ADAMTS17: variants seen among roughly 807,000 people sequenced by gnomAD.
ADAMTS17 encodes the protein ADAM metallopeptidase with thrombospondin type 1 motif 17, also known as A disintegrin and metalloproteinase with thrombospondin motifs 17.
Under a neutral mutation model 141.5 loss-of-function variants are expected in ADAMTS17, and 113 were observed. The ratio of observed to expected loss-of-function variants is 0.80; its 90% CI spans 0.69 to 0.93. The LOEUF (loss-of-function observed/expected upper bound fraction) is 0.93, where lower values mean the gene tolerates loss of function less well. Ranked by LOEUF, ADAMTS17 falls within the 40% of genes least tolerant of loss-of-function variation. ADAMTS17 has a pLI of 0.00. For missense variants in ADAMTS17, 1,659 were observed against 1,517.9 expected (o/e 1.09, Z -1.54); for synonymous variants, 768 against 630.6 (o/e 1.22, Z -3.27).
intron 4 of ADAMTS17, among the ~76,000 whole-genome samples, chr15:100,266,471 G>A (rs1417770844): frequency 1.3e-5 from 2 of 152,216 alleles, no homozygotes; most frequent in African/African-American, 2.4e-5. Flanking sequence ...AGGGCAGGCA[G>A]AAGCATATTT....
intron 8 of ADAMTS17, chr15:100,168,466 T>TA (rs1567294825): frequency 6.6e-6 from 1 of 152,176 alleles, no homozygotes. Flanking sequence ...CTTCTGAGCC[T>TA]AGAGAGTAAT....
At position 100,041,595 on chromosome 15, in the gene ADAMTS17, C is replaced by T. The variant is rs2031261691; in HGVS notation, c.2591+7262G>A. Among the ~76,000 whole-genome samples, 3 of 152,200 alleles carry T rather than the reference C, an allele frequency of 2.0e-5. 1 individual carries two copies. The South Asian group carries it at 6.2e-4, about 32-fold the overall frequency. On this transcript the variant is annotated intron_variant, in intron 18 of 21. Transcript: ENST00000268070. The stretch of plus-strand genomic sequence containing the variant: ...GCAAGGTGAAGGCTGCTGGCCATGG[C>T]CATAACAGCTGGGCTGATCTGTGAT...
intron 3 of ADAMTS17, among the ~76,000 whole-genome samples, chr15:100,315,124 C>G (rs1304730080): frequency 6.6e-6 from 1 of 152,196 alleles, no homozygotes; most frequent in Non-Finnish European, 1.5e-5. Context: ...GAGGTAAAAG[C>G]AAGGATGCTA....
chr15:99,981,534 T>C (rs1473537715), intron 20 of ADAMTS17, among the ~76,000 whole-genome samples: 1 of 152,244 alleles, frequency 6.6e-6, no homozygotes, highest in African/African-American at 2.4e-5. Context: ...TTTGAGAATT[T>C]TGGGGTGTTT....
In ADAMTS17 at chr15:100,063,131, T is replaced by C. The variant is rs7182513; in HGVS notation, c.2138-9077A>G. 7.8e-3 allele frequency among the ~76,000 whole-genome samples: 1,184 copies of C among 152,336 alleles called. 19 individuals carry two copies. The highest frequency in any genetic ancestry group is 0.026 in the African/African-American group (1,090 of 41,584). ...ACTAGTCCAGAATAGAACCCAAGTC[T>C]ACGGAAAGATGCAGGTGTTTGTGCT... On this transcript the variant is annotated intron_variant, in intron 15 of 21. Coordinates refer to ENST00000268070, the MANE Select transcript of ADAMTS17 (RefSeq NM_139057.4).
At chr15:100,051,998 G>A (rs2032187169) in intron 16 of ADAMTS17, among the ~76,000 whole-genome samples, 1 of 152,222 alleles carries the variant, frequency 6.6e-6, no homozygotes, top group African/African-American at 2.4e-5. Flanking sequence ...CTTAGACTAG[G>A]AGCTTTAGGA....
At chr15:100,068,624 T>A (rs2033734102) in intron 15 of ADAMTS17, among the ~76,000 whole-genome samples, 1 of 152,246 alleles carries the variant, frequency 6.6e-6, no homozygotes, top group Admixed American at 6.5e-5. Flanking sequence ...CCTCTGCTGC[T>A]GATACCCAGG....
rs769851977 is a variant in ADAMTS17 at position 100,048,845 on chromosome 15, C to G, written c.2591+12G>C. Reference sequence around the variant, plus strand: ...CTCTGGTGGGTCCAAGCTACAGAACCCAGCTTCTTACCGTGACTGGCAGGG... The same window carrying G: ...CTCTGGTGGGTCCAAGCTACAGAACGCAGCTTCTTACCGTGACTGGCAGGG... On this transcript the variant is annotated intron_variant, in intron 18 of 21. Coordinates refer to ENST00000268070, the MANE Select transcript of ADAMTS17 (RefSeq NM_139057.4). 2.5e-6 allele frequency: 4 copies of G among 1,614,032 alleles called. No homozygotes were observed. In the African/African-American group the frequency reaches 5.3e-5, roughly 22 times the overall value.
intron 14 of ADAMTS17, among the ~76,000 whole-genome samples, chr15:100,099,539 T>C (rs1180709211): frequency 2.0e-5 from 3 of 152,184 alleles, no homozygotes; most frequent in Admixed American, 6.5e-5. Context: ...ATAAACTCTC[T>C]CAAGTCTTCC....
chr15:100,202,900 G>A (rs2041388904), intron 7 of ADAMTS17, among the ~76,000 whole-genome samples: 4 of 152,336 alleles, frequency 2.6e-5, no homozygotes, highest in Admixed American at 2.6e-4. Flanking sequence ...GCTGGGGAGA[G>A]GCTTTTAGAC....
intron 4 of ADAMTS17, among the ~76,000 whole-genome samples, chr15:100,262,926 C>A (rs1272910607): frequency 6.6e-6 from 1 of 151,644 alleles, no homozygotes; most frequent in Non-Finnish European, 1.5e-5. Context: ...CCAGGAAAGA[C>A]AAAAATGTCC....
At position 100,330,895 on chromosome 15, in the gene ADAMTS17, G is replaced by A; in HGVS notation, c.610C>T (p.Leu204=). The A allele has an allele frequency of 6.2e-7, 1 of 1,614,186 alleles. No individual in the cohort carries two copies. The highest frequency in any genetic ancestry group is 1.7e-5 in the Admixed American group (1 of 60,030). The change falls in exon 3 of 22, where the codon CTA becomes TTA. Residue 204 remains leucine (L), a synonymous_variant. Coordinates refer to ENST00000268070, the MANE Select transcript of ADAMTS17 (RefSeq NM_139057.4). The stretch of plus-strand genomic sequence containing the variant: ...TGCTGCTGCCCCGACTCACCTGTTA[G>A]AACCTTGCAGAGCTGCTCAGGTCTC... ...AQRPEQLCKV[L]TEKKKPTWGR...
Position 100,071,757 on chromosome 15 carries a change from A to T in ADAMTS17, c.2138-17703T>A, listed in dbSNP as rs1337307278. Among the ~76,000 whole-genome samples, 2 of 150,366 alleles carry T rather than the reference A, an allele frequency of 1.3e-5. 1 individual carries two copies. Among genetic ancestry groups the T allele is most frequent in the African/African-American group, 4.9e-5 (2 of 40,636 alleles). ...TAAATTAGGTATTGATAGGTATCTC[A>T]AAATAATAAGAGCTATTTATGACAA... On this transcript the variant is annotated intron_variant, in intron 15 of 21. Transcript: ENST00000268070.
At chr15:100,181,614 G>A (rs1192623678) in intron 8 of ADAMTS17, among the ~76,000 whole-genome samples, 2 of 152,220 alleles carry the variant, frequency 1.3e-5, no homozygotes, top group African/African-American at 4.8e-5. Context: ...TGTCATCTGG[G>A]AGATATGGCC....
intron 8 of ADAMTS17, among the ~76,000 whole-genome samples, chr15:100,166,881 G>A (rs987064825): frequency 1.2e-4 from 18 of 152,222 alleles, no homozygotes; most frequent in African/African-American, 3.9e-4. Context: ...CAGGCCCATA[G>A]CAGTGAGTGA....
At chr15:100,020,315 T>C (rs1309918849) in intron 18 of ADAMTS17, among the ~76,000 whole-genome samples, 1 of 152,174 alleles carries the variant, frequency 6.6e-6, no homozygotes, top group East Asian at 1.9e-4. Context: ...AGGGAGGTGC[T>C]CAGCAGTCTG....
intron 12 of ADAMTS17, among the ~76,000 whole-genome samples, chr15:100,120,094 T>G (rs943983663): frequency 6.6e-6 from 1 of 152,210 alleles, no homozygotes; most frequent in African/African-American, 2.4e-5. Flanking sequence ...TTATCAGAGC[T>G]GATCTTAAAA....
Position 100,281,376 on chromosome 15 carries a change from C to T in ADAMTS17, c.642G>A (p.Arg214=). Residue 214 remains arginine (R), a synonymous_variant, in exon 4 of 22, where the codon AGG becomes AGA. Coordinates refer to ENST00000268070, the MANE Select transcript of ADAMTS17 (RefSeq NM_139057.4). ...LTEKKKPTWG[R]PSRDWRERRN... is the part of the protein sequence containing the mutation. Reference sequence around the variant, plus strand: ...TCCGCTCCCGCCAGTCCCGCGAAGGCCTGCCCCACGTCGGCTTCTTCTTTT... The same window carrying T: ...TCCGCTCCCGCCAGTCCCGCGAAGGTCTGCCCCACGTCGGCTTCTTCTTTT... 1 of 1,612,638 alleles carries T rather than the reference C, an allele frequency of 6.2e-7. No homozygotes were observed. Among genetic ancestry groups the T allele is most frequent in the South Asian group, 1.1e-5 (1 of 91,056 alleles).
chr15:100,247,821 T>G (rs2043033495), intron 7 of ADAMTS17, among the ~76,000 whole-genome samples: 1 of 152,114 alleles, frequency 6.6e-6, no homozygotes, highest in South Asian at 2.1e-4. Context: ...TGGGCTGGCC[T>G]GACACAGATT....
Sources: allele counts gnomAD v4.1 joint callset (sites outside exome capture counted in the v4.1 genomes callset), GRCh38; gene constraint gnomAD v4.1.1; transcripts MANE v1.5; gene names NCBI Gene and HGNC (gene_info 2026-07-23, HGNC 2026-07-21).